ESYT2: variants seen among roughly 807,000 people sequenced by gnomAD.
The protein encoded by ESYT2 is extended synaptotagmin 2.
ESYT2 carries 54 observed loss-of-function variants against 107.2 expected under a neutral mutation model. The observed-to-expected ratio is 0.50, with a 90% CI of 0.40 to 0.63. The LOEUF (loss-of-function observed/expected upper bound fraction) is 0.63, where lower values mean the gene tolerates loss of function less well. Ranked by LOEUF, ESYT2 falls within the 30% of genes least tolerant of loss-of-function variation. The probability of loss-of-function intolerance (pLI) is 0.00; values close to 1 mark genes in which losing one functional copy is unlikely to be tolerated. For missense variants in ESYT2, 1,020 were observed against 1,094.5 expected (o/e 0.93, Z 0.96); for synonymous variants, 491 against 434.1 (o/e 1.13, Z -1.63).
At chr7:158,781,522 GA>G (rs1441742606) in intron 6 of ESYT2, among the ~76,000 whole-genome samples, 4 of 151,762 alleles carry the variant, frequency 2.6e-5, no homozygotes, top group African/African-American at 7.2e-5. Context: ...AACAAAGTGT[GA>G]GAGGTGTGAG....
chr7:158,743,460 C>G, intron 17 of ESYT2, 69 bp downstream of exon 17: 2 of 1,551,812 alleles, frequency 1.3e-6, no homozygotes, highest in South Asian at 1.2e-5. Context: ...ATGCCCGGGG[C>G]CCATGAGTAT....
rs547115321 is a variant in ESYT2 at position 158,733,473 on chromosome 7, G to A, written c.*734C>T. 6.6e-6 allele frequency: 1 copy of A among 152,296 alleles called. No individual in the cohort carries two copies. The highest frequency in any genetic ancestry group is 2.4e-5 in the African/African-American group (1 of 41,556). 9.4% of individuals were successfully genotyped at this position (152,296 alleles called of 1,614,324 possible). On this transcript the variant is annotated 3_prime_UTR_variant, in exon 23 of 23. Coordinates refer to ENST00000275418, the MANE Select transcript of ESYT2 (RefSeq NM_001367773.1). Reference sequence around the variant, plus strand: ...TAAACATAAGACACTTCATTTTTATGTAAGAAATTTCAGATTAGCATAATG... The same window carrying A: ...TAAACATAAGACACTTCATTTTTATATAAGAAATTTCAGATTAGCATAATG...
chr7:158,760,081 G>C lies in ESYT2; in HGVS notation c.1300C>G (p.Pro434Ala). Residue 434 changes from proline to alanine, a missense_variant, in exon 12 of 23, where the codon CCA becomes GCA. Transcript: ENST00000275418. ...HLRLEWLTLMPNASNLDKVLT... is the reference protein window; with the variant it reads ...HLRLEWLTLMANASNLDKVLT... ...ACCTTGTCGAGGTTTGACGCATTTG[G>C]CATTAACGTGAGCCACTCCAGTCTC... 6.2e-7 allele frequency: 1 copy of C among 1,614,150 alleles called. No individual in the cohort carries two copies. The highest frequency in any genetic ancestry group is 8.5e-7 in the Non-Finnish European group (1 of 1,180,028).
intron 7 of ESYT2, 111 bp from the exon 8 acceptor site, chr7:158,767,885 GAGT>G: frequency 7.7e-7 from 1 of 1,290,452 alleles, no homozygotes; most frequent in Non-Finnish European, 1.0e-6. Context: ...TTTATTTACA[GAGT>G]AGGAGTTATC....
At position 158,734,153 on chromosome 7, in the gene ESYT2, T is replaced by C. The variant is rs1324418934; in HGVS notation, c.*54A>G. ...ATTGGTACGTCTGTGAGAGGGTGTG[T>C]TCCGGGTAGAGGTGGAGAGCTACGC... On this transcript the variant is annotated 3_prime_UTR_variant, in exon 23 of 23. Transcript: ENST00000275418. 16 of 1,595,650 alleles carry C rather than the reference T, an allele frequency of 1.0e-5. No individual in the cohort carries two copies. Among genetic ancestry groups the C allele is most frequent in the Non-Finnish European group, 2.6e-6 (3 of 1,163,870 alleles).
chr7:158,828,551 C>A (rs1297865384), intron 1 of ESYT2, among the ~76,000 whole-genome samples: 1 of 152,154 alleles, frequency 6.6e-6, no homozygotes, highest in East Asian at 1.9e-4. Context: ...GAGGGGTCTC[C>A]GAGAAAGCCG....
At chr7:158,818,665 T>C (rs780335776) in intron 1 of ESYT2, among the ~76,000 whole-genome samples, 3 of 152,230 alleles carry the variant, frequency 2.0e-5, no homozygotes, top group Non-Finnish European at 4.4e-5. Context: ...TCCAGTGTGT[T>C]CACTGGCCTC....
In ESYT2 at chr7:158,760,064, G is replaced by A. The variant is rs758613753; in HGVS notation, c.1317C>T (p.Leu439=). 1.2e-5 allele frequency: 20 copies of A among 1,614,156 alleles called. No homozygotes were observed. The Admixed American group carries it at 1.7e-4, about 13-fold the overall frequency. ...GCACATGCTTCAACAGCACCTTGTC[G>A]AGGTTTGACGCATTTGGCATTAACG... The part of the protein sequence containing the change: ...WLTLMPNASN[L]DKVLTDIKAD... Residue 439 remains leucine, a synonymous_variant, in exon 12 of 23, where the codon CTC becomes CTT. Transcript: ENST00000275418.
intron 1 of ESYT2, among the ~76,000 whole-genome samples, chr7:158,810,606 TG>T (rs1839966284): frequency 6.6e-6 from 1 of 151,674 alleles, no homozygotes; most frequent in Non-Finnish European, 1.5e-5. Context: ...CACTTGAGCC[TG>T]GGAGGTGGAG....
intron 9 of ESYT2, among the ~76,000 whole-genome samples, chr7:158,763,438 GCA>G (rs1216270593): frequency 3.3e-5 from 5 of 151,906 alleles, no homozygotes; most frequent in African/African-American, 4.8e-5. Flanking sequence ...GGGATTACAG[GCA>G]TGTGCCACCA....
At chr7:158,807,961 C>T (rs563168588) in intron 1 of ESYT2, among the ~76,000 whole-genome samples, 12 of 152,300 alleles carry the variant, frequency 7.9e-5, no homozygotes, top group African/African-American at 2.6e-4. Flanking sequence ...GATGGCGCCA[C>T]GGGGTAGGGC....
chr7:158,734,985 T>C (rs140076802), intron 21 of ESYT2, among the ~76,000 whole-genome samples: 174 of 152,348 alleles, frequency 1.1e-3, no homozygotes, highest in African/African-American at 3.7e-3. Flanking sequence ...AAATCCTTCA[T>C]GCAACCAGCA....
chr7:158,747,127 G>C lies in ESYT2; in HGVS notation c.1644+1067C>G, dbSNP rs149962718. ...TTGGGAGGCCACAGTGGGCGGATCAGCTGAGGTCAGGAGTTCAAGGCCAAG... is the reference window on the plus strand; with the variant it reads ...TTGGGAGGCCACAGTGGGCGGATCACCTGAGGTCAGGAGTTCAAGGCCAAG... On this transcript the variant is annotated intron_variant, in intron 16 of 22. Transcript: ENST00000275418. Among the ~76,000 whole-genome samples the C allele has an allele frequency of 5.1e-3, 772 of 152,094 alleles. 4 individuals are homozygous for C. The highest frequency in any genetic ancestry group is 0.018 in the African/African-American group (741 of 41,514).
chr7:158,773,233 T>C, intron 7 of ESYT2, 108 bp downstream of exon 7: 1 of 1,209,236 alleles, frequency 8.3e-7, no homozygotes, highest in Non-Finnish European at 1.2e-6. Context: ...AGGCACCCAT[T>C]CACCTGGCAG....
rs1344100981 is a variant in ESYT2 at position 158,802,634 on chromosome 7, T to C, written c.331-3562A>G. Among the ~76,000 whole-genome samples the C allele has an allele frequency of 9.8e-5, 15 of 152,332 alleles. No homozygotes were observed. In the East Asian group the frequency reaches 1.3e-3, roughly 14 times the overall value. ...AGTACAGCAGGCACTTGACAGGGAA[T>C]GTAGAGGAGTTATTTTAAAATTCCA... On this transcript the variant is annotated intron_variant, in intron 1 of 22. Coordinates refer to ENST00000275418, the MANE Select transcript of ESYT2 (RefSeq NM_001367773.1).
At chr7:158,757,765 T>TG (rs1049726367) in intron 13 of ESYT2, among the ~76,000 whole-genome samples, 10 of 139,704 alleles carry the variant, frequency 7.2e-5, no homozygotes, top group Non-Finnish European at 9.5e-5. Flanking sequence ...TTTTTTTTTT[T>TG]TTGTTTTTTG....
chr7:158,774,525 G>T (rs1838481205), intron 6 of ESYT2, among the ~76,000 whole-genome samples: 1 of 151,996 alleles, frequency 6.6e-6, no homozygotes. Flanking sequence ...TAAATCATAT[G>T]AATATATTTA....
In ESYT2 at chr7:158,786,432, AC is replaced by A. The variant is rs111413343; in HGVS notation, c.747+1571del. 4.6e-3 allele frequency among the ~76,000 whole-genome samples: 707 copies of A among 152,270 alleles called. 3 individuals are homozygous for A. Among genetic ancestry groups the A allele is most frequent in the African/African-American group, 0.016 (682 of 41,544 alleles). On this transcript the variant is annotated intron_variant, in intron 6 of 22. Coordinates refer to ENST00000275418, the MANE Select transcript of ESYT2 (RefSeq NM_001367773.1). ...TTTAATGACTGGTATGGGAAAAAAAACACATTAATTTTAAATCTTATGAATC... is the reference window on the plus strand; with the variant it reads ...TTTAATGACTGGTATGGGAAAAAAAAACATTAATTTTAAATCTTATGAATC...
rs1476930630 is a variant in ESYT2, at chr7:158,739,112, G to T, written c.2178C>A (p.Thr726=). The T allele has an allele frequency of 1.2e-6, 2 of 1,613,908 alleles. No individual in the cohort carries two copies. Among genetic ancestry groups the T allele is most frequent in the Non-Finnish European group, 1.7e-6 (2 of 1,179,970 alleles). ...QRLRQLENGT[T]LGQSPLGQIQ... The stretch of plus-strand genomic sequence containing the variant: ...TCTGCCCCAGTGGAGACTGTCCCAG[G>T]GTCGTCCCGCTGTGGGAAAAGAGCA... Residue 726 remains threonine, a synonymous_variant, in exon 19 of 23, where the codon ACC becomes ACA. Transcript: ENST00000275418.
Sources: allele counts gnomAD v4.1 joint callset (sites outside exome capture counted in the v4.1 genomes callset), GRCh38; gene constraint gnomAD v4.1.1; transcripts MANE v1.5; gene names NCBI Gene and HGNC (gene_info 2026-07-23, HGNC 2026-07-21).